Variants in HPN observed in about 807,000 individuals in gnomAD.
HPN encodes the protein hepsin.
HPN carries 13 observed loss-of-function variants against 55.9 expected under a neutral mutation model. The ratio of observed to expected loss-of-function variants is 0.23; its 90% CI spans 0.15 to 0.37. HPN has a LOEUF of 0.37. Ranked by LOEUF, HPN falls within the 10% of genes least tolerant of loss-of-function variation. The pLI is 1.00. For missense variants in HPN, 451 were observed against 575.8 expected, an observed-to-expected ratio of 0.78 and a Z score of 2.22; for synonymous variants, 225 against 240.3, an observed-to-expected ratio of 0.94 and a Z score of 0.59.
chr19:35,060,727 G>T lies in HPN; in HGVS notation c.721G>T (p.Gly241Trp). Residue 241 changes from glycine (G) to tryptophan (W), a missense_variant, in exon 9 of 13, where the codon GGG becomes TGG. By Grantham distance (184) the Gly-to-Trp change is radical. This residue lies in a region of HPN where 378 missense variants were observed against 445.5 expected (regional missense o/e 0.85). Transcript: ENST00000672452. ...QLGVQAVVYHGGYLPFRDPNS... is the reference protein window; with the variant it reads ...QLGVQAVVYHWGYLPFRDPNS... ...GGGGGTGCAGGCTGTGGTCTACCAC[G>T]GGGGCTATCTTCCCTTTCGGGACCC... 6.2e-7 allele frequency: 1 copy of T among 1,614,106 alleles called. No homozygotes were observed. Among genetic ancestry groups the T allele is most frequent in the East Asian group, 2.2e-5 (1 of 44,878 alleles).
intron 4 of HPN, among the ~76,000 whole-genome samples, chr19:35,056,003 C>G (rs913233039): frequency 6.6e-6 from 1 of 152,288 alleles, no homozygotes; most frequent in Non-Finnish European, 1.5e-5. Context: ...CTGGCTCACT[C>G]TGCTCTGGCC....
intron 4 of HPN, 71 bp from the exon 5 acceptor site, chr19:35,059,602 C>T: frequency 6.5e-7 from 1 of 1,539,302 alleles, no homozygotes; most frequent in Non-Finnish European, 8.7e-7. Flanking sequence ...CCAGGAGGGG[C>T]TCCGGCTGGG....
chr19:35,050,645 G>C (rs2064394324), intron 4 of HPN: 2 of 635,904 alleles, frequency 3.1e-6, no homozygotes, highest in South Asian at 3.7e-5. Context: ...CCCTGATGCA[G>C]GACAGCAGGA....
At chr19:35,054,253 A>G (rs983215290) in intron 4 of HPN, among the ~76,000 whole-genome samples, 1 of 152,160 alleles carries the variant, frequency 6.6e-6, no homozygotes, top group African/African-American at 2.4e-5. Flanking sequence ...CGCTGTTTCT[A>G]CTAAGAACAC....
chr19:35,056,549 GC>G (rs1034852487), intron 4 of HPN, among the ~76,000 whole-genome samples: 1 of 152,098 alleles, frequency 6.6e-6, no homozygotes, highest in Non-Finnish European at 1.5e-5. Context: ...ACCACAAATT[GC>G]CCCCCAACCA....
intron 10 of HPN, 95 bp from the exon 11 acceptor site, chr19:35,065,444 G>C: frequency 6.4e-7 from 1 of 1,565,712 alleles, no homozygotes; most frequent in Non-Finnish European, 8.7e-7. Flanking sequence ...TGACCATGAG[G>C]AGTAGGGACG....
intron 4 of HPN, among the ~76,000 whole-genome samples, chr19:35,055,632 C>T (rs984383496): frequency 6.6e-5 from 10 of 152,000 alleles, no homozygotes; most frequent in Admixed American, 6.6e-4. Context: ...ACTCTTCTCC[C>T]CGTCCACTGC....
At chr19:35,044,872 C>A (rs148686844) in intron 2 of HPN, among the ~76,000 whole-genome samples, 1 of 151,608 alleles carries the variant, frequency 6.6e-6, no homozygotes, top group East Asian at 1.9e-4. Flanking sequence ...CTGAGCCCAG[C>A]GGTTGGATGG....
chr19:35,041,786 G>A lies in HPN; in HGVS notation c.-141G>A, dbSNP rs1487656075. 11 of 1,321,124 alleles carry A rather than the reference G, an allele frequency of 8.3e-6. No homozygotes were observed. The highest frequency in any genetic ancestry group is 2.0e-5 in the Admixed American group (1 of 49,062). 81.8% of individuals were successfully genotyped at this position (1,321,124 alleles called of 1,614,324 possible). A position where few individuals can be genotyped will look rare whatever the true frequency, so the allele number is the denominator to read the frequency against. On this transcript the variant is annotated 5_prime_UTR_variant, in exon 1 of 13. Coordinates refer to ENST00000672452, the MANE Select transcript of HPN (RefSeq NM_001384133.1). ...CTGCCTCCAGGCCGCCCGCTGCTGCGGGGCCACCATGCTCCTGCCCAGGCC... is the reference window on the plus strand; with the variant it reads ...CTGCCTCCAGGCCGCCCGCTGCTGCAGGGCCACCATGCTCCTGCCCAGGCC...
intron 4 of HPN, among the ~76,000 whole-genome samples, chr19:35,054,689 T>C (rs185320405): frequency 3.3e-5 from 5 of 152,300 alleles, no homozygotes; most frequent in South Asian, 2.1e-4. Context: ...TTTGGTGACG[T>C]TGGGGAAGCC....
At chr19:35,054,029 G>A (rs1276134417) in intron 4 of HPN, among the ~76,000 whole-genome samples, 1 of 152,236 alleles carries the variant, frequency 6.6e-6, no homozygotes, top group Non-Finnish European at 1.5e-5. Flanking sequence ...ATGCTGGTCT[G>A]GGTTCAAGTC....
chr19:35,045,555 G>T (rs2064333556), intron 2 of HPN, among the ~76,000 whole-genome samples: 2 of 152,144 alleles, frequency 1.3e-5, no homozygotes, highest in African/African-American at 4.8e-5. Context: ...AGAAGCAGGG[G>T]CAGAGAGTCT....
intron 1 of HPN, chr19:35,042,077 C>A: frequency 8.8e-7 from 1 of 1,130,024 alleles, no homozygotes; most frequent in Non-Finnish European, 1.1e-6. Context: ...CTTTCCTCCC[C>A]AGACCCAGGA....
chr19:35,045,556 C>T (rs1412343354), intron 2 of HPN, among the ~76,000 whole-genome samples: 2 of 151,948 alleles, frequency 1.3e-5, no homozygotes. Context: ...GAAGCAGGGG[C>T]AGAGAGTCTC....
intron 4 of HPN, chr19:35,059,353 A>G: frequency 2.1e-6 from 1 of 473,218 alleles, no homozygotes; most frequent in Non-Finnish European, 3.9e-6. Context: ...GTGGTGGTGC[A>G]CGCCTGTGGT....
chr19:35,056,892 TTTTC>T (rs140829904), intron 4 of HPN, among the ~76,000 whole-genome samples: 13,726 of 152,160 alleles, frequency 0.09, 752 homozygotes, highest in East Asian at 0.16. Flanking sequence ...AGCATTATTG[TTTTC>T]TTTCTTTCTT....
intron 9 of HPN, among the ~76,000 whole-genome samples, chr19:35,063,724 A>T (rs1004312183): frequency 1.3e-5 from 2 of 152,210 alleles, no homozygotes; most frequent in African/African-American, 4.8e-5. Flanking sequence ...GTAAGGACGC[A>T]TCTTTGAGGA....
chr19:35,056,059 T>G (rs1204249223), intron 4 of HPN, among the ~76,000 whole-genome samples: 1 of 152,166 alleles, frequency 6.6e-6, no homozygotes, highest in African/African-American at 2.4e-5. Context: ...ACACCAGCCT[T>G]GGGATCTTTG....
intron 4 of HPN, among the ~76,000 whole-genome samples, chr19:35,051,018 G>A (rs367766193): frequency 1.4e-5 from 2 of 144,356 alleles, no homozygotes; most frequent in South Asian, 2.2e-4. Context: ...CTGGGCTCAA[G>A]CAATCCTCCC....
Sources: gnomAD v4.1 joint callset for allele counts (sites outside exome capture counted in the v4.1 genomes callset) on GRCh38, gnomAD v4.1.1 for gene constraint, gnomAD v4.1.1 regional missense constraint, MANE v1.5 for transcripts, NCBI Gene and HGNC (gene_info 2026-07-23, HGNC 2026-07-21) for gene names.